Variants in LPGAT1 observed in about 807,000 individuals in gnomAD.
LPGAT1 encodes the protein acyl-CoA:lysophosphatidylglycerol acyltransferase 1.
In LPGAT1, 11 loss-of-function variants were observed where a neutral mutation model predicts 47.5. The observed-to-expected ratio is 0.23, with a 90% CI of 0.15 to 0.38. The LOEUF is 0.38. LPGAT1 is among the 10% of genes least tolerant of loss of function. The pLI is 1.00. For synonymous variants in LPGAT1, 138 were observed against 144.2 expected, an observed-to-expected ratio of 0.96 and a Z score of 0.31; for missense variants, 293 against 439.0, an observed-to-expected ratio of 0.67 and a Z score of 2.97.
At chr1:211,808,954 T>C (rs1659861561) in intron 2 of LPGAT1, among the ~76,000 whole-genome samples, 1 of 151,924 alleles carries the variant, frequency 6.6e-6, no homozygotes, top group Admixed American at 6.6e-5. Context: ...TCCCAGCACT[T>C]TGGGAGGCTG....
At chr1:211,827,382 C>A (rs1456256113) in intron 2 of LPGAT1, among the ~76,000 whole-genome samples, 1 of 152,294 alleles carries the variant, frequency 6.6e-6, no homozygotes, top group Non-Finnish European at 1.5e-5. Context: ...CATAGGACAA[C>A]TAACTTTGAC....
At chr1:211,808,806 T>C (rs1659856605) in intron 2 of LPGAT1, among the ~76,000 whole-genome samples, 2 of 152,184 alleles carry the variant, frequency 1.3e-5, no homozygotes, top group South Asian at 2.1e-4. Context: ...AAAGTAATAA[T>C]GGGAGGCATT....
chr1:211,803,170 T>TA (rs1659635662), intron 2 of LPGAT1: 1 of 152,046 alleles, frequency 6.6e-6, no homozygotes, highest in Admixed American at 6.6e-5. Flanking sequence ...CCCAGCCAAA[T>TA]AACCAATCAG....
rs180835926 is a variant in LPGAT1, at chr1:211,795,134, C to T, written c.239-1944G>A. Reference sequence around the variant, plus strand: ...TCGGTTCCACAACAATGTGAATATACTTAACAAGACTGAACTGTACACTTG... The same window carrying T: ...TCGGTTCCACAACAATGTGAATATATTTAACAAGACTGAACTGTACACTTG... On this transcript the variant is annotated intron_variant, in intron 2 of 7. Coordinates refer to ENST00000366997, the MANE Select transcript of LPGAT1 (RefSeq NM_014873.3). 8.7e-3 allele frequency among the ~76,000 whole-genome samples: 1,324 copies of T among 152,246 alleles called. 19 individuals carry two copies. The highest frequency in any genetic ancestry group is 0.015 in the Non-Finnish European group (1,010 of 68,016).
At chr1:211,775,976 T>C (rs1041669961) in intron 6 of LPGAT1, among the ~76,000 whole-genome samples, 5 of 151,174 alleles carry the variant, frequency 3.3e-5, no homozygotes, top group Non-Finnish European at 5.9e-5. Flanking sequence ...CTACTACCTA[T>C]GAATTTGTTT....
chr1:211,808,144 G>A (rs531491383), intron 2 of LPGAT1, among the ~76,000 whole-genome samples: 4 of 152,096 alleles, frequency 2.6e-5, no homozygotes, highest in East Asian at 1.9e-4. Flanking sequence ...TCGGGAGTTC[G>A]AGACCAGCCT....
At chr1:211,826,200 A>G (rs186882440) in intron 2 of LPGAT1, among the ~76,000 whole-genome samples, 1 of 152,338 alleles carries the variant, frequency 6.6e-6, no homozygotes, top group East Asian at 1.9e-4. Context: ...ACCATTACTC[A>G]TCCAAGAAGC....
rs1318737209 is a variant in LPGAT1, at chr1:211,830,148, C to A, written c.-28+425G>T. The A allele has an allele frequency of 1.0e-6, 1 of 983,746 alleles. No homozygotes were observed. The highest frequency in any genetic ancestry group is 1.2e-6 in the Non-Finnish European group (1 of 829,468). 60.9% of individuals were successfully genotyped at this position (983,746 alleles called of 1,614,324 possible). On this transcript the variant is annotated intron_variant, in intron 1 of 7. Transcript: ENST00000366997. This position sits in a 1 kb window ranked among gnomAD's most constrained non-coding sequence, Gnocchi z 5.9. ...GCGGTTTCCGCGGATGTGGAAGGGTCGTGGCGGCGGGCGCGGCCCGCGCGC... is the reference window on the plus strand; with the variant it reads ...GCGGTTTCCGCGGATGTGGAAGGGTAGTGGCGGCGGGCGCGGCCCGCGCGC...
At position 211,743,658 on chromosome 1, in the gene LPGAT1, A is replaced by G. The variant is rs962519155; in HGVS notation, c.*6241T>C. 4 of 152,196 alleles carry G rather than the reference A, an allele frequency of 2.6e-5. No homozygotes were observed. The highest frequency in any genetic ancestry group is 4.8e-5 in the African/African-American group (2 of 41,460). 9.4% of individuals were successfully genotyped at this position (152,196 alleles called of 1,614,324 possible). A position where few individuals can be genotyped will look rare whatever the true frequency, so the allele number is the denominator to read the frequency against. On this transcript the variant is annotated 3_prime_UTR_variant, in exon 8 of 8. Coordinates refer to ENST00000366997, the MANE Select transcript of LPGAT1 (RefSeq NM_014873.3). ...AAAAACAATGGCTTTCCCCCCGCCA[A>G]CTCATGAGGAATAGGGCTGGTCAGC...
intron 6 of LPGAT1, among the ~76,000 whole-genome samples, chr1:211,762,035 C>G (rs1364369121): frequency 2.6e-5 from 4 of 152,178 alleles, no homozygotes; most frequent in Non-Finnish European, 5.9e-5. Context: ...CTTGTTGACT[C>G]ACATCAGATA....
At chr1:211,797,432 G>C (rs1370755214) in intron 2 of LPGAT1, among the ~76,000 whole-genome samples, 1 of 147,914 alleles carries the variant, frequency 6.8e-6, no homozygotes, top group Non-Finnish European at 1.5e-5. Flanking sequence ...TCAACTTTTT[G>C]CCAAGAAATT....
intron 2 of LPGAT1, among the ~76,000 whole-genome samples, chr1:211,825,426 C>T (rs988469759): frequency 3.4e-4 from 51 of 151,888 alleles, no homozygotes; most frequent in African/African-American, 1.0e-3. Context: ...TAAAAATAAA[C>T]TATTTTAAAT....
In LPGAT1 at chr1:211,817,992, AC is replaced by A. The variant is rs547884044; in HGVS notation, c.238+11066del. 2.5e-3 allele frequency among the ~76,000 whole-genome samples: 377 copies of A among 151,996 alleles called. 3 individuals are homozygous for A. Among genetic ancestry groups the A allele is most frequent in the African/African-American group, 8.7e-3 (359 of 41,436 alleles). On this transcript the variant is annotated intron_variant, in intron 2 of 7. Coordinates refer to ENST00000366997, the MANE Select transcript of LPGAT1 (RefSeq NM_014873.3). ...TAGGACTACAGGTATGCACCACCACACCAGTCCAATTTTTGTATTTTTAGCA... is the reference window on the plus strand; with the variant it reads ...TAGGACTACAGGTATGCACCACCACACAGTCCAATTTTTGTATTTTTAGCA...
At chr1:211,771,837 C>T (rs1395934145) in intron 6 of LPGAT1, among the ~76,000 whole-genome samples, 31 of 152,136 alleles carry the variant, frequency 2.0e-4, no homozygotes, top group Admixed American at 2.0e-3. Flanking sequence ...TCATATTTAT[C>T]TTTTCCTTAA....
intron 6 of LPGAT1, among the ~76,000 whole-genome samples, chr1:211,766,168 A>C (rs150656425): frequency 4.5e-4 from 68 of 152,186 alleles, no homozygotes; most frequent in African/African-American, 1.5e-3. Context: ...TCAGCTCCCC[A>C]GTTCTTCGGC....
intron 2 of LPGAT1, among the ~76,000 whole-genome samples, chr1:211,806,567 T>C (rs534085645): frequency 6.6e-5 from 10 of 152,288 alleles, no homozygotes; most frequent in African/African-American, 2.2e-4. Flanking sequence ...AGCTACCTAT[T>C]AGGTACTGTG....
At chr1:211,825,761 C>T (rs1253808209) in intron 2 of LPGAT1, among the ~76,000 whole-genome samples, 3 of 152,210 alleles carry the variant, frequency 2.0e-5, no homozygotes, top group African/African-American at 7.2e-5. Context: ...GAGTTTGAGA[C>T]CAGCCTGGCC....
chr1:211,788,542 C>T (rs1658980082), intron 3 of LPGAT1, among the ~76,000 whole-genome samples: 1 of 151,954 alleles, frequency 6.6e-6, no homozygotes, highest in African/African-American at 2.4e-5. Context: ...ATTAGCCAGG[C>T]GTGGTGGTGC....
chr1:211,778,045 A>G (rs1195971886), intron 6 of LPGAT1, among the ~76,000 whole-genome samples: 1 of 152,172 alleles, frequency 6.6e-6, no homozygotes, highest in African/African-American at 2.4e-5. Flanking sequence ...ATATAGTCTA[A>G]AAAGGAAAGG....
Sources: gnomAD v4.1 joint callset for allele counts (sites outside exome capture counted in the v4.1 genomes callset) on GRCh38, gnomAD v4.1.1 for gene constraint, Gnocchi (gnomAD v3.1) non-coding constraint, MANE v1.5 for transcripts, NCBI Gene and HGNC (gene_info 2026-07-23, HGNC 2026-07-21) for gene names.